The following STK3 variants were observed in gnomAD, a reference collection of about 807,000 sequenced individuals.
The protein encoded by STK3 is serine/threonine kinase 3.
In STK3, 41 loss-of-function variants were observed where a neutral mutation model predicts 58.0. That is an observed-to-expected ratio of 0.71 (90% CI 0.55 to 0.92). The LOEUF is 0.92. Among genes scored for constraint, STK3 ranks in the 40% least tolerant of loss-of-function variants. STK3 has a pLI of 0.00. For synonymous variants in STK3, 170 were observed against 191.0 expected (o/e 0.89, Z 0.91); for missense variants, 479 against 602.7 (o/e 0.79, Z 2.15).
chr8:98,735,848 CT>C (rs1272407423), intron 4 of STK3, among the ~76,000 whole-genome samples: 4 of 152,290 alleles, frequency 2.6e-5, no homozygotes, highest in Non-Finnish European at 5.9e-5. Flanking sequence ...ATGCCTTCAT[CT>C]TTTCCTACAT....
intron 3 of STK3, chr8:98,431,624 G>A (rs1303666289): frequency 6.0e-6 from 1 of 167,084 alleles, no homozygotes; most frequent in African/African-American, 2.4e-5. Flanking sequence ...CTTATGCAAA[G>A]TGGAAGCAAG....
In STK3 at chr8:98,616,355, T is replaced by A. The variant is rs1306811451; in HGVS notation, c.685-20186A>T. On this transcript the variant is annotated intron_variant, in intron 6 of 10. Coordinates refer to ENST00000419617, the MANE Select transcript of STK3 (RefSeq NM_006281.4). Reference sequence around the variant, plus strand: ...ACAACCAGTACCAGCCGCTGCAAAATCATGCCAAAATGTAAAGACCATCGA... The same window carrying A: ...ACAACCAGTACCAGCCGCTGCAAAAACATGCCAAAATGTAAAGACCATCGA... 1.9e-4 allele frequency among the ~76,000 whole-genome samples: 27 copies of A among 142,528 alleles called. 2 individuals are homozygous for A. The highest frequency in any genetic ancestry group is 4.6e-5 in the Non-Finnish European group (3 of 64,958). The allele number at this position is 142,528 out of a possible 152,430, so 93.5% of individuals were successfully genotyped here. A position where few individuals can be genotyped will look rare whatever the true frequency, so the allele number is the denominator to read the frequency against.
At chr8:98,505,340 TC>T (rs1407855447) in intron 10 of STK3, among the ~76,000 whole-genome samples, 2 of 152,198 alleles carry the variant, frequency 1.3e-5, no homozygotes, top group Non-Finnish European at 2.9e-5. Flanking sequence ...TCGAACATCC[TC>T]CTTTAGCTCA....
chr8:98,769,291 A>C (rs769835736), intron 2 of STK3, among the ~76,000 whole-genome samples: 10 of 152,086 alleles, frequency 6.6e-5, no homozygotes, highest in Non-Finnish European at 1.3e-4. Flanking sequence ...CATAATTCCC[A>C]CCTGTTGTGG....
intron 3 of STK3, among the ~76,000 whole-genome samples, chr8:98,866,569 T>C (rs1235443664): frequency 6.6e-6 from 1 of 152,192 alleles, no homozygotes; most frequent in Non-Finnish European, 1.5e-5. Context: ...GTAGGAACGC[T>C]GGAAAGAGTT....
intron 3 of STK3, among the ~76,000 whole-genome samples, chr8:98,766,123 T>C (rs976566853): frequency 6.6e-6 from 1 of 152,198 alleles, no homozygotes; most frequent in Non-Finnish European, 1.5e-5. Context: ...CTGGCTCCAC[T>C]GGCTGAGGAA....
At chr8:98,397,175 C>T (rs117366758), downstream of STK3, among the ~76,000 whole-genome samples, 4,327 of 152,262 alleles carry the variant, frequency 0.028, 91 homozygotes, top group Middle Eastern at 0.071. Flanking sequence ...CACACACAGT[C>T]CCCCATCCCT....
chr8:98,407,713 C>CGT (rs1818009220), intron 3 of STK3, among the ~76,000 whole-genome samples: 2 of 110,576 alleles, frequency 1.8e-5, no homozygotes, highest in South Asian at 3.5e-4. Context: ...CAGATGAGTG[C>CGT]ATGTGTGTGT....
intron 1 of STK3, among the ~76,000 whole-genome samples, chr8:98,801,470 C>CT (rs1833542557): frequency 1.3e-5 from 2 of 152,138 alleles, no homozygotes; most frequent in African/African-American, 2.4e-5. Context: ...CCTTTATGAG[C>CT]TGTAACACTC....
chr8:98,828,555 T>C (rs762408716), upstream of STK3, among the ~76,000 whole-genome samples: 1 of 147,752 alleles, frequency 6.8e-6, no homozygotes, highest in Non-Finnish European at 1.5e-5. Context: ...CACTCCAGCC[T>C]GAGCAATAGA....
chr8:98,635,834 G>T (rs1587108773), intron 6 of STK3, among the ~76,000 whole-genome samples: 2 of 151,680 alleles, frequency 1.3e-5, no homozygotes, highest in East Asian at 3.9e-4. Flanking sequence ...AGAATTTCTT[G>T]GTGGGCTTGT....
At chr8:98,718,442 T>C (rs1827180149) in intron 4 of STK3, among the ~76,000 whole-genome samples, 2 of 152,290 alleles carry the variant, frequency 1.3e-5, no homozygotes, top group South Asian at 4.1e-4. Context: ...CAGGAATTTA[T>C]TCTCTCCTTC....
intron 4 of STK3, chr8:98,721,227 A>G: frequency 2.5e-5 from 14 of 558,218 alleles, no homozygotes; most frequent in Non-Finnish European, 3.2e-5. Flanking sequence ...AAACCAAAGT[A>G]AGTTTCAAAT....
At chr8:98,693,086 G>C (rs767141955) in intron 6 of STK3, among the ~76,000 whole-genome samples, 4 of 152,114 alleles carry the variant, frequency 2.6e-5, no homozygotes, top group Non-Finnish European at 4.4e-5. Flanking sequence ...AGAGAAATTT[G>C]AGGTAGATAG....
intron 4 of STK3, among the ~76,000 whole-genome samples, chr8:98,736,019 A>G (rs1487033796): frequency 6.6e-6 from 1 of 152,172 alleles, no homozygotes; most frequent in Non-Finnish European, 1.5e-5. Flanking sequence ...AGGCCAACAG[A>G]AACAACAAAC....
At chr8:98,827,708 G>T (rs2131773452), upstream of STK3, among the ~76,000 whole-genome samples, 1 of 152,152 alleles carries the variant, frequency 6.6e-6, no homozygotes, top group African/African-American at 2.4e-5. Flanking sequence ...AGGCTGGAGT[G>T]CAGTGGTGTG....
chr8:98,867,306 T>C (rs1402044994), intron 3 of STK3, among the ~76,000 whole-genome samples: 3 of 152,040 alleles, frequency 2.0e-5, no homozygotes, highest in Non-Finnish European at 2.9e-5. Context: ...ATCCCAGCCA[T>C]GGCAGGCTGG....
intron 3 of STK3, among the ~76,000 whole-genome samples, chr8:98,755,511 G>C (rs1010907806): frequency 1.2e-4 from 18 of 152,296 alleles, no homozygotes; most frequent in African/African-American, 3.9e-4. Context: ...TCTGAGACTT[G>C]GAAGGCACTG....
intron 6 of STK3, among the ~76,000 whole-genome samples, chr8:98,623,901 A>G (rs1258966131): frequency 6.6e-6 from 1 of 152,258 alleles, no homozygotes; most frequent in African/African-American, 2.4e-5. Context: ...TTGGAAGTCC[A>G]GACTCCAGAA....
Sources: allele counts gnomAD v4.1 joint callset (sites outside exome capture counted in the v4.1 genomes callset), GRCh38; gene constraint gnomAD v4.1.1; transcripts MANE v1.5; gene names NCBI Gene and HGNC (gene_info 2026-07-23, HGNC 2026-07-21).